Variants in KCNB2 observed in about 807,000 individuals in gnomAD.
KCNB2 encodes the protein potassium voltage-gated channel subfamily B member 2.
Under a neutral mutation model 61.5 loss-of-function variants are expected in KCNB2, and 15 were observed. The observed-to-expected ratio is 0.24, with a 90% CI of 0.16 to 0.38. The LOEUF (loss-of-function observed/expected upper bound fraction) is 0.38. KCNB2 is among the 10% of genes least tolerant of loss of function. The probability of loss-of-function intolerance (pLI) is 1.00; values close to 1 mark genes in which losing one functional copy is unlikely to be tolerated. For missense variants in KCNB2, 828 were observed against 1,125.2 expected (o/e 0.74, Z 3.78); for synonymous variants, 457 against 446.0 (o/e 1.02, Z -0.31).
At chr8:72,728,084 A>G (rs564202656) in intron 2 of KCNB2, among the ~76,000 whole-genome samples, 11 of 152,326 alleles carry the variant, frequency 7.2e-5, no homozygotes, top group Non-Finnish European at 1.5e-4. Context: ...TACCTGAACC[A>G]TGTTGCAGTT....
intron 2 of KCNB2, among the ~76,000 whole-genome samples, chr8:72,621,484 A>G (rs1231585913): frequency 6.6e-6 from 1 of 152,218 alleles, no homozygotes; most frequent in African/African-American, 2.4e-5. Flanking sequence ...ATACCATAGT[A>G]ATGACATCAC....
chr8:72,844,281 C>T (rs537326540), intron 2 of KCNB2, among the ~76,000 whole-genome samples: 1 of 152,322 alleles, frequency 6.6e-6, no homozygotes, highest in African/African-American at 2.4e-5. Context: ...TCTCTTCTGA[C>T]TTGTAGGGTT....
chr8:72,680,663 G>A (rs1211729438), intron 2 of KCNB2, among the ~76,000 whole-genome samples: 5 of 152,152 alleles, frequency 3.3e-5, no homozygotes, highest in African/African-American at 1.2e-4. Flanking sequence ...TATAAAGTGA[G>A]GATGTGACCT....
intron 2 of KCNB2, among the ~76,000 whole-genome samples, chr8:72,716,651 T>G (rs1273188005): frequency 2.6e-5 from 4 of 152,142 alleles, no homozygotes; most frequent in Non-Finnish European, 4.4e-5. Context: ...TAGGTATTGA[T>G]GGGACGTATC....
intron 2 of KCNB2, among the ~76,000 whole-genome samples, chr8:72,756,090 C>T (rs990625277): frequency 2.0e-5 from 3 of 152,120 alleles, no homozygotes; most frequent in African/African-American, 4.8e-5. Flanking sequence ...CCTCATGTGC[C>T]AAGAAAAGCC....
chr8:72,889,442 C>T (rs565691381), intron 2 of KCNB2, among the ~76,000 whole-genome samples: 20 of 152,248 alleles, frequency 1.3e-4, no homozygotes, highest in Non-Finnish European at 2.4e-4. Flanking sequence ...AATGCCAGCA[C>T]TTTGGGAGGC....
chr8:72,654,168 G>C (rs1806255362), intron 2 of KCNB2, among the ~76,000 whole-genome samples: 1 of 152,084 alleles, frequency 6.6e-6, no homozygotes, highest in Non-Finnish European at 1.5e-5. Context: ...GACTCCACTG[G>C]GCTCTGACTT....
At chr8:72,725,543 GTGTA>G (rs1563571896) in intron 2 of KCNB2, among the ~76,000 whole-genome samples, 65 of 85,046 alleles carry the variant, frequency 7.6e-4, no homozygotes, top group African/African-American at 3.9e-3. Flanking sequence ...ATATATATGT[GTGTA>G]TATATATATG....
intron 2 of KCNB2, among the ~76,000 whole-genome samples, chr8:72,702,054 A>G (rs1175496795): frequency 2.6e-5 from 4 of 152,028 alleles, no homozygotes; most frequent in Non-Finnish European, 2.9e-5. Flanking sequence ...TTAACTTAGG[A>G]AAAAAAATAC....
At chr8:72,709,874 C>T (rs560436886) in intron 2 of KCNB2, among the ~76,000 whole-genome samples, 52 of 152,224 alleles carry the variant, frequency 3.4e-4, no homozygotes, top group Non-Finnish European at 5.3e-4. Context: ...ACTATGTACC[C>T]GAATGTACAG....
At chr8:72,620,448 A>AGGATACAAATGAACTAAC (rs1483156028) in intron 2 of KCNB2, among the ~76,000 whole-genome samples, 1 of 152,198 alleles carries the variant, frequency 6.6e-6, no homozygotes, top group Non-Finnish European at 1.5e-5. Context: ...CTGGAACTAA[A>AGGATACAAATGAACTAAC]GGATACAAAT....
At chr8:72,899,308 A>T (rs996870146) in intron 2 of KCNB2, among the ~76,000 whole-genome samples, 1 of 152,182 alleles carries the variant, frequency 6.6e-6, no homozygotes, top group African/African-American at 2.4e-5. Flanking sequence ...CAAAAGATGG[A>T]ATCATTCCCC....
At chr8:72,796,382 G>C (rs58557980) in intron 2 of KCNB2, among the ~76,000 whole-genome samples, 4,033 of 152,180 alleles carry the variant, frequency 0.027, 62 homozygotes, top group African/African-American at 0.037. Flanking sequence ...AGATAAATAT[G>C]TTTGCTCCTT....
chr8:72,567,764 C>A lies in KCNB2; in HGVS notation c.30C>A (p.Asn10Lys). The change falls in exon 2 of 3, where the codon AAC becomes AAA. Residue 10 changes from asparagine to lysine, a missense_variant. Around this residue, in one of 4 missense-constraint regions of KCNB2, gnomAD observed 62 missense variants for 54.8 expected, o/e 1.13. Coordinates refer to ENST00000523207, the MANE Select transcript of KCNB2 (RefSeq NM_004770.3). ...CAGAAAAGGCTCCCCCGGGCTTAAA[C>A]AGGAAGACTTCAAGGTCGACACTTT... MAEKAPPGL[N>K]RKTSRSTLSL... 1 of 1,591,890 alleles carries A rather than the reference C, an allele frequency of 6.3e-7. No individual in the cohort carries two copies. Among genetic ancestry groups the A allele is most frequent in the Non-Finnish European group, 8.5e-7 (1 of 1,170,468 alleles).
chr8:72,823,323 T>C (rs1370454761), intron 2 of KCNB2, among the ~76,000 whole-genome samples: 1 of 152,146 alleles, frequency 6.6e-6, no homozygotes, highest in African/African-American at 2.4e-5. Flanking sequence ...CAGTGCTCTG[T>C]AAGTGCTTCC....
intron 2 of KCNB2, among the ~76,000 whole-genome samples, chr8:72,697,276 G>A (rs1807032587): frequency 6.6e-6 from 1 of 152,062 alleles, no homozygotes; most frequent in Non-Finnish European, 1.5e-5. Flanking sequence ...TAAAATGCTT[G>A]GGGAAAGCCT....
chr8:72,725,802 C>A (rs1462451200), intron 2 of KCNB2, among the ~76,000 whole-genome samples: 1 of 151,364 alleles, frequency 6.6e-6, no homozygotes, highest in African/African-American at 2.4e-5. Flanking sequence ...ACATAGTAAG[C>A]CCTTAGTAAT....
chr8:72,915,896 G>T (rs2129007831), intron 2 of KCNB2, among the ~76,000 whole-genome samples: 1 of 152,260 alleles, frequency 6.6e-6, no homozygotes, highest in South Asian at 2.1e-4. Flanking sequence ...TCCAGCCTGG[G>T]CAACAGAGTA....
chr8:72,751,462 A>G (rs998760297), intron 2 of KCNB2: 1 of 152,174 alleles, frequency 6.6e-6, no homozygotes, highest in Non-Finnish European at 1.5e-5. Flanking sequence ...AAGTCTATTG[A>G]CAACAGAACC....
Sources: allele counts gnomAD v4.1 joint callset (sites outside exome capture counted in the v4.1 genomes callset), GRCh38; gene constraint gnomAD v4.1.1; regional missense constraint gnomAD v4.1.1; transcripts MANE v1.5; gene names NCBI Gene and HGNC (gene_info 2026-07-23, HGNC 2026-07-21).